The following HNRNPDL variants were observed in gnomAD, a reference collection of about 807,000 sequenced individuals.
The protein encoded by HNRNPDL is heterogeneous nuclear ribonucleoprotein D-like.
HNRNPDL carries 18 observed loss-of-function variants against 48.0 expected under a neutral mutation model. That is an observed-to-expected ratio of 0.38 (90% CI 0.26 to 0.56). HNRNPDL has a LOEUF of 0.56. HNRNPDL is among the 20% of genes least tolerant of loss of function. HNRNPDL has a pLI of 0.77. For missense variants in HNRNPDL, 553 were observed against 540.7 expected, an observed-to-expected ratio of 1.02 and a Z score of -0.23; for synonymous variants, 306 against 207.3, an observed-to-expected ratio of 1.48 and a Z score of -4.09.
chr4:82,425,861 A>T, intron 7 of HNRNPDL, 176 bp downstream of exon 7: 1 of 548,790 alleles, frequency 1.8e-6, no homozygotes, highest in Admixed American at 3.2e-5. Flanking sequence ...GTGAGATAAG[A>T]CTTTAAAGTT....
In HNRNPDL at chr4:82,423,759, G is replaced by A. The variant is rs1004557403; in HGVS notation, c.*1147C>T. 1 of 152,094 alleles carries A rather than the reference G, an allele frequency of 6.6e-6. No individual in the cohort carries two copies. Among genetic ancestry groups the A allele is most frequent in the African/African-American group, 2.4e-5 (1 of 41,380 alleles). 9.4% of individuals were successfully genotyped at this position (152,094 alleles called of 1,614,324 possible). ...CGGATTCTTTTCAATGCACCCAGAG[G>A]GTCCACTGTAATGACTCAGTCACAT... On this transcript the variant is annotated 3_prime_UTR_variant, in exon 8 of 8. Coordinates refer to ENST00000295470, the MANE Select transcript of HNRNPDL (RefSeq NM_031372.4).
chr4:82,429,842 G>T lies in HNRNPDL; in HGVS notation c.-152C>A. 1 of 490,428 alleles carries T rather than the reference G, an allele frequency of 2.0e-6. No homozygotes were observed. The highest frequency in any genetic ancestry group is 7.6e-5 in the South Asian group (1 of 13,170). The allele number at this position is 490,428 out of a possible 1,614,324, so 30.4% of individuals were successfully genotyped here. A position where few individuals can be genotyped will look rare whatever the true frequency, so the allele number is the denominator to read the frequency against. On this transcript the variant is annotated 5_prime_UTR_variant, in exon 1 of 8. Coordinates refer to ENST00000295470, the MANE Select transcript of HNRNPDL (RefSeq NM_031372.4). ...GCAGGGCCACAGTCCCTCTTGCCTT[G>T]GGAGCCTTTGTCTCTGGCGTCCGGT...
In HNRNPDL at chr4:82,423,195, TAA is replaced by T. The variant is rs959780872; in HGVS notation, c.*1709_*1710del. 3 of 152,246 alleles carry T rather than the reference TAA, an allele frequency of 2.0e-5. No individual in the cohort carries two copies. The highest frequency in any genetic ancestry group is 2.0e-4 in the Admixed American group (3 of 15,292). The allele number at this position is 152,246 out of a possible 1,614,324, so 9.4% of individuals were successfully genotyped here. A position where few individuals can be genotyped will look rare whatever the true frequency, so the allele number is the denominator to read the frequency against. On this transcript the variant is annotated 3_prime_UTR_variant, in exon 8 of 8. Transcript: ENST00000295470. The stretch of plus-strand genomic sequence containing the variant: ...TCAGTCATACATATCAAGACTTGAT[TAA>T]AAGTTTGGATTTTGTTTAAAAAGGC...
Position 82,429,531 on chromosome 4 carries a change from C to A in HNRNPDL, c.160G>T (p.Ala54Ser), listed in dbSNP as rs1721610420. ...SLAPSSARQGARRAQRHVTAQ... is the reference protein window; with the variant it reads ...SLAPSSARQGSRRAQRHVTAQ... ...GTGACGTGGCGCTGGGCCCGGCGCG[C>A]CCCCTGCCGGGCGGAGCTGGGAGCG... The change falls in exon 1 of 8, where the codon GCG becomes TCG. Residue 54 changes from alanine to serine, a missense_variant. Physicochemically the swap from Ala to Ser is moderately conservative, Grantham distance 99. This residue lies in a region of HNRNPDL where 327 missense variants were observed against 203.2 expected (regional missense o/e 1.61). Transcript: ENST00000295470. 2 of 1,483,278 alleles carry A rather than the reference C, an allele frequency of 1.3e-6. No individual in the cohort carries two copies. The highest frequency in any genetic ancestry group is 5.3e-5 in the East Asian group (2 of 37,834). 91.9% of individuals were successfully genotyped at this position (1,483,278 alleles called of 1,614,324 possible). A position where few individuals can be genotyped will look rare whatever the true frequency, so the allele number is the denominator to read the frequency against.
At position 82,424,141 on chromosome 4, in the gene HNRNPDL, C is replaced by A. The variant is rs904132019; in HGVS notation, c.*765G>T. The A allele has an allele frequency of 6.6e-6, 1 of 152,200 alleles. No individual in the cohort carries two copies. The highest frequency in any genetic ancestry group is 2.4e-5 in the African/African-American group (1 of 41,448). The allele number at this position is 152,200 out of a possible 1,614,324, so 9.4% of individuals were successfully genotyped here. On this transcript the variant is annotated 3_prime_UTR_variant, in exon 8 of 8. Transcript: ENST00000295470. ...CATAGCTCCTACCAGTTTTACAGTG[C>A]TCCTTTTGTATCTGAACTTTTATCA... is the stretch of plus-strand genomic sequence containing the variant.
Position 82,426,447 on chromosome 4 carries a change from A to G in HNRNPDL, c.1192+16T>C. On this transcript the variant is annotated intron_variant, in intron 6 of 7. Transcript: ENST00000295470. ...TTAATACCACTGCTTTATAAAATTA[A>G]GTTAAATATTCTTACCACTGTAGTC... 1.3e-6 allele frequency: 2 copies of G among 1,594,136 alleles called. No homozygotes were observed. Among genetic ancestry groups the G allele is most frequent in the Non-Finnish European group, 1.7e-6 (2 of 1,163,924 alleles).
chr4:82,423,868 T>G lies in HNRNPDL; in HGVS notation c.*1038A>C, dbSNP rs1171513842. 5.3e-5 allele frequency: 8 copies of G among 152,232 alleles called. No individual in the cohort carries two copies. The highest frequency in any genetic ancestry group is 3.8e-4 in the East Asian group (2 of 5,206). The allele number at this position is 152,232 out of a possible 1,614,324, so 9.4% of individuals were successfully genotyped here. ...TATTCCTTTCTGAATATGTAAATATTTAACTACTTAGTTCATGCACTGTGT... is the reference window on the plus strand; with the variant it reads ...TATTCCTTTCTGAATATGTAAATATGTAACTACTTAGTTCATGCACTGTGT... On this transcript the variant is annotated 3_prime_UTR_variant, in exon 8 of 8. Coordinates refer to ENST00000295470, the MANE Select transcript of HNRNPDL (RefSeq NM_031372.4).
chr4:82,426,186 A>G, intron 6 of HNRNPDL, 57 bp from the exon 7 acceptor site: 7 of 1,401,838 alleles, frequency 5.0e-6, no homozygotes, highest in Non-Finnish European at 7.1e-6. Context: ...CTTTCTTTAC[A>G]AACACAAACT....
In HNRNPDL at chr4:82,429,409, G is replaced by A. The variant is rs200009960; in HGVS notation, c.282C>T (p.Ser94=). The change falls in exon 1 of 8, where the codon TCC becomes TCT. Residue 94 remains serine (S), a synonymous_variant. Transcript: ENST00000295470. ...CAGCAGCGGCGGCGGAGCGTTGTAT[G>A]GAGCTGGATTTAAAATGGCGGCGGA... ...DLFRRHFKSS[S]IQRSAAAAAA... is the part of the protein sequence containing the mutation. 350 of 1,613,402 alleles carry A rather than the reference G, an allele frequency of 2.2e-4. 2 individuals carry two copies. The highest frequency in any genetic ancestry group is 2.0e-3 in the Middle Eastern group (12 of 6,060).
At chr4:82,426,394 G>C in intron 6 of HNRNPDL, 69 bp downstream of exon 6, 1 of 1,383,924 alleles carries the variant, frequency 7.2e-7, no homozygotes, top group Non-Finnish European at 1.0e-6. Context: ...CACAATTTCA[G>C]AACAGGATTG....
Position 82,426,198 on chromosome 4 carries a change from T to C in HNRNPDL, c.1193-69A>G, listed in dbSNP as rs889621089. ...AAACTTTCTTTACAAACACAAACTA[T>C]TAAATCTACAAATCTTTGCATGCTA... On this transcript the variant is annotated intron_variant, in intron 6 of 7. Coordinates refer to ENST00000295470, the MANE Select transcript of HNRNPDL (RefSeq NM_031372.4). 1.9e-5 allele frequency: 25 copies of C among 1,320,728 alleles called. No homozygotes were observed. In the East Asian group the frequency reaches 4.4e-4, roughly 23 times the overall value. 81.8% of individuals were successfully genotyped at this position (1,320,728 alleles called of 1,614,324 possible).
At chr4:82,422,566 G>C (rs576069443), downstream of HNRNPDL, 1 of 152,192 alleles carries the variant, frequency 6.6e-6, no homozygotes, top group Non-Finnish European at 1.5e-5. Flanking sequence ...ATCCACGCTA[G>C]CATCCCAACA....
Position 82,423,203 on chromosome 4 carries a change from TG to T in HNRNPDL, c.*1702del, listed in dbSNP as rs1465821575. 3 of 152,336 alleles carry T rather than the reference TG, an allele frequency of 2.0e-5. No individual in the cohort carries two copies. Among genetic ancestry groups the T allele is most frequent in the African/African-American group, 7.2e-5 (3 of 41,574 alleles). 9.4% of individuals were successfully genotyped at this position (152,336 alleles called of 1,614,324 possible). A position where few individuals can be genotyped will look rare whatever the true frequency, so the allele number is the denominator to read the frequency against. ...ACATATCAAGACTTGATTAAAAGTT[TG>T]GATTTTGTTTAAAAAGGCTTTATTC... On this transcript the variant is annotated 3_prime_UTR_variant, in exon 8 of 8. Coordinates refer to ENST00000295470, the MANE Select transcript of HNRNPDL (RefSeq NM_031372.4).
In HNRNPDL at chr4:82,429,394, G is replaced by A. The variant is rs778310020; in HGVS notation, c.297C>T (p.Ala99=). Residue 99 remains alanine (A), a synonymous_variant, in exon 1 of 8, where the codon GCC becomes GCT. Transcript: ENST00000295470. The part of the protein sequence containing the change: ...HFKSSSIQRS[A]AAAAATRTAR... ...CAGTCCGGGTCGCGGCAGCAGCGGC[G>A]GCGGAGCGTTGTATGGAGCTGGATT... 9 of 1,613,356 alleles carry A rather than the reference G, an allele frequency of 5.6e-6. No homozygotes were observed. The highest frequency in any genetic ancestry group is 1.7e-5 in the Admixed American group (1 of 59,986).
At position 82,428,119 on chromosome 4, in the gene HNRNPDL, C is replaced by A. The variant is rs1721495068; in HGVS notation, c.673G>T (p.Ala225Ser). Residue 225 changes from alanine to serine, a missense_variant, in exon 3 of 8, where the codon GCT (alanine) becomes TCT (serine). Coordinates refer to ENST00000295470, the MANE Select transcript of HNRNPDL (RefSeq NM_031372.4). ...GKLIDPKRAKALKGKEPPKKV... is the reference protein window; with the variant it reads ...GKLIDPKRAKSLKGKEPPKKV... Reference sequence around the variant, plus strand: ...TTGGGAGGTTCTTTCCCTTTTAAAGCTTTGGCCCTTTTGGGATCTATCAAT... The same window carrying A: ...TTGGGAGGTTCTTTCCCTTTTAAAGATTTGGCCCTTTTGGGATCTATCAAT... The A allele has an allele frequency of 3.1e-6, 5 of 1,614,170 alleles. No individual in the cohort carries two copies. Among genetic ancestry groups the A allele is most frequent in the Non-Finnish European group, 4.2e-6 (5 of 1,180,010 alleles).
Position 82,429,730 on chromosome 4 carries a change from G to T in HNRNPDL, c.-40C>A, listed in dbSNP as rs768688845. 1.2e-4 allele frequency: 162 copies of T among 1,311,478 alleles called. No individual in the cohort carries two copies. The highest frequency in any genetic ancestry group is 1.5e-4 in the Non-Finnish European group (159 of 1,026,418). 81.2% of individuals were successfully genotyped at this position (1,311,478 alleles called of 1,614,324 possible). ...CAAGGAGAGAGGCCACGCGTGAGGG[G>T]ACGCGGGCTTGGGAGAAGAGAAGAA... On this transcript the variant is annotated 5_prime_UTR_variant, in exon 1 of 8. Transcript: ENST00000295470.
intron 6 of HNRNPDL, 139 bp from the exon 7 acceptor site, chr4:82,426,268 A>G: frequency 1.1e-6 from 1 of 877,484 alleles, no homozygotes; most frequent in Non-Finnish European, 1.8e-6. Context: ...GATGCTACTC[A>G]TAAATCATAC....
chr4:82,426,746 T>C (rs1202707280), intron 5 of HNRNPDL, 113 bp from the exon 6 acceptor site: 12 of 833,952 alleles, frequency 1.4e-5, no homozygotes, highest in East Asian at 4.9e-5. Context: ...AATGGACATA[T>C]ATATTGCTAT....
At chr4:82,426,696 AT>A in intron 5 of HNRNPDL, 63 bp from the exon 6 acceptor site, 1 of 1,350,164 alleles carries the variant, frequency 7.4e-7, no homozygotes, top group Non-Finnish European at 1.1e-6. Flanking sequence ...ACATAAAATG[AT>A]GCGTTCTTGT....
Sources: gnomAD v4.1 joint callset for allele counts on GRCh38, gnomAD v4.1.1 for gene constraint, gnomAD v4.1.1 regional missense constraint, MANE v1.5 for transcripts, NCBI Gene and HGNC (gene_info 2026-07-23, HGNC 2026-07-21) for gene names.